Variants in ANXA3 observed in about 807,000 individuals in gnomAD.
ANXA3 encodes the protein 35-alpha calcimedin.
ANXA3 carries 46 observed loss-of-function variants against 48.8 expected under a neutral mutation model. The ratio of observed to expected loss-of-function variants is 0.94; its 90% CI spans 0.74 to 1.21. ANXA3 has a LOEUF of 1.21. ANXA3 is among the 50% of genes most tolerant of loss of function. The pLI, the probability that ANXA3 is intolerant of heterozygous loss-of-function variation, is 0.00. For missense variants in ANXA3, 383 were observed against 378.6 expected (o/e 1.01, Z -0.10); for synonymous variants, 128 against 134.7 (o/e 0.95, Z 0.35).
At chr4:78,570,962 G>T (rs1033120504) in intron 2 of ANXA3, 1 of 152,118 alleles carries the variant, frequency 6.6e-6, no homozygotes, top group Admixed American at 6.6e-5. Context: ...TGGAGAAAGA[G>T]AATTCATCAA....
intron 2 of ANXA3, among the ~76,000 whole-genome samples, chr4:78,559,646 G>A (rs1264498417): frequency 6.6e-6 from 1 of 152,208 alleles, no homozygotes; most frequent in Non-Finnish European, 1.5e-5. Context: ...TAGTGCGACA[G>A]GCTCTGCTGG....
chr4:78,562,393 C>T (rs192758027), intron 2 of ANXA3, among the ~76,000 whole-genome samples: 184 of 152,264 alleles, frequency 1.2e-3, no homozygotes, highest in African/African-American at 4.0e-3. Context: ...CAGTACCTCA[C>T]GTAGGTTCTG....
chr4:78,554,425 T>C lies in ANXA3; in HGVS notation c.-38-11T>C, dbSNP rs1722467304. 1 of 1,564,426 alleles carries C rather than the reference T, an allele frequency of 6.4e-7. No homozygotes were observed. Among genetic ancestry groups the C allele is most frequent in the African/African-American group, 1.4e-5 (1 of 74,026 alleles). On this transcript the variant is annotated splice_polypyrimidine_tract_variant and intron_variant, in intron 1 of 12. Coordinates refer to ENST00000264908, the MANE Select transcript of ANXA3 (RefSeq NM_005139.3). Reference sequence around the variant, plus strand: ...TATTGATACCATTTACTAATTGTTTTCTTTTAATAGATTAGTGTGATCTCA... The same window carrying C: ...TATTGATACCATTTACTAATTGTTTCCTTTTAATAGATTAGTGTGATCTCA...
intron 1 of ANXA3, chr4:78,552,175 C>G (rs914976269): frequency 2.0e-5 from 3 of 152,336 alleles, no homozygotes; most frequent in Non-Finnish European, 4.4e-5. Context: ...GAAAGCTTCG[C>G]TTATTACAGC....
chr4:78,601,775 T>C (rs566989086), intron 11 of ANXA3: 1 of 430,062 alleles, frequency 2.3e-6, no homozygotes, highest in South Asian at 6.5e-5. Context: ...CAGACCTGGG[T>C]TTATGAAATA....
At position 78,574,507 on chromosome 4, in the gene ANXA3, ACAC is replaced by A. The variant is rs1355545764; in HGVS notation, c.103+1243_103+1245del. ...CTCTTGCCCCTTTCCCTAGAGATAA[ACAC>A]CATCCCAAATTAGAGTTCATTCCCA... On this transcript the variant is annotated intron_variant, in intron 3 of 12. Coordinates refer to ENST00000264908, the MANE Select transcript of ANXA3 (RefSeq NM_005139.3). Among the ~76,000 whole-genome samples the A allele has an allele frequency of 2.6e-5, 4 of 152,208 alleles. No individual in the cohort carries two copies. In the South Asian group the frequency reaches 6.2e-4, roughly 24 times the overall value.
At position 78,579,043 on chromosome 4, in the gene ANXA3, GC is replaced by G. The variant is rs1723020724; in HGVS notation, c.121del (p.Leu41SerfsTer5). The part of the protein sequence containing the change: ...IRGIGTDEKM[L>X]ISILTERSNA... ...TTCATTTAGGAACTGATGAGAAAATGCTCATCAGCATTCTGACTGAGAGGTC... is the reference window on the plus strand; with the variant it reads ...TTCATTTAGGAACTGATGAGAAAATGTCATCAGCATTCTGACTGAGAGGTC... On this transcript the variant is annotated frameshift_variant, in exon 4 of 13. Coordinates refer to ENST00000264908, the MANE Select transcript of ANXA3 (RefSeq NM_005139.3). LOFTEE classifies it high-confidence loss of function. 1 of 1,608,400 alleles carries G rather than the reference GC, an allele frequency of 6.2e-7. No individual in the cohort carries two copies. Among genetic ancestry groups the G allele is most frequent in the African/African-American group, 1.3e-5 (1 of 74,840 alleles).
intron 2 of ANXA3, among the ~76,000 whole-genome samples, chr4:78,561,524 A>G (rs952519461): frequency 3.3e-5 from 5 of 152,114 alleles, no homozygotes; most frequent in African/African-American, 1.2e-4. Context: ...TTGCTTTGAC[A>G]CAGACATCCC....
In ANXA3 at chr4:78,552,744, A is replaced by C. The variant is rs1722425855; in HGVS notation, c.-39+885A>C. The stretch of plus-strand genomic sequence containing the variant: ...AAAGATACATTTACTATGTTCACCA[A>C]CATCATTTTTTAAAATGTAACTAAT... On this transcript the variant is annotated intron_variant, in intron 1 of 12. Transcript: ENST00000264908. Among the ~76,000 whole-genome samples, 4 of 152,236 alleles carry C rather than the reference A, an allele frequency of 2.6e-5. No homozygotes were observed. The South Asian group carries it at 8.3e-4, about 32-fold the overall frequency.
rs1560450359 is a variant in ANXA3, at chr4:78,597,316, T to C, written c.635-3T>C. The C allele has an allele frequency of 3.1e-6, 5 of 1,589,800 alleles. No homozygotes were observed. The highest frequency in any genetic ancestry group is 3.4e-6 in the Non-Finnish European group (4 of 1,161,494). On this transcript the variant is annotated splice_region_variant and splice_polypyrimidine_tract_variant and intron_variant, in intron 9 of 12. Transcript: ENST00000264908. ...TAAATAATTTTGTGGTGCTTCTTTT[T>C]AGCATTTGATGAATACAGAAATATC...
At chr4:78,606,358 G>A (rs913760347) in intron 12 of ANXA3, among the ~76,000 whole-genome samples, 2 of 152,170 alleles carry the variant, frequency 1.3e-5, no homozygotes, top group Non-Finnish European at 2.9e-5. Flanking sequence ...TGGGAATGGA[G>A]TCCATGCTGA....
At chr4:78,609,756 GT>G (rs1336668036) in intron 12 of ANXA3, among the ~76,000 whole-genome samples, 1 of 152,098 alleles carries the variant, frequency 6.6e-6, no homozygotes, top group South Asian at 2.1e-4. Flanking sequence ...AAAATTTGAA[GT>G]TTTTATAGAA....
intron 6 of ANXA3, among the ~76,000 whole-genome samples, chr4:78,589,037 T>C (rs1310640033): frequency 6.6e-6 from 1 of 152,178 alleles, no homozygotes; most frequent in Non-Finnish European, 1.5e-5. Flanking sequence ...CTGTGACAGA[T>C]CCCTGGAGCC....
At chr4:78,588,321 A>C (rs1180443142) in intron 6 of ANXA3, among the ~76,000 whole-genome samples, 2 of 152,062 alleles carry the variant, frequency 1.3e-5, no homozygotes, top group East Asian at 3.9e-4. Flanking sequence ...TGAGTCTAAG[A>C]GATTGAGGCC....
At chr4:78,566,740 CT>C (rs1210330428) in intron 2 of ANXA3, among the ~76,000 whole-genome samples, 11 of 152,046 alleles carry the variant, frequency 7.2e-5, no homozygotes, top group Non-Finnish European at 1.2e-4. Flanking sequence ...GACGGGTACA[CT>C]AATAAAAGCC....
rs1237919979 is a variant in ANXA3, at chr4:78,594,134, TGG to T, written c.484-1246_484-1245del. Among the ~76,000 whole-genome samples the T allele has an allele frequency of 2.0e-5, 3 of 151,800 alleles. No homozygotes were observed. The East Asian group carries it at 5.8e-4, about 29-fold the overall frequency. ...TGCCATCTCTAGAATGTCCTATAGT[TGG>T]AATCATACAGTACGTAGCCATTTCA... is the stretch of plus-strand genomic sequence containing the variant. On this transcript the variant is annotated intron_variant, in intron 7 of 12. Coordinates refer to ENST00000264908, the MANE Select transcript of ANXA3 (RefSeq NM_005139.3).
At chr4:78,578,024 A>C (rs896737622) in intron 3 of ANXA3, among the ~76,000 whole-genome samples, 11 of 151,774 alleles carry the variant, frequency 7.2e-5, no homozygotes, top group African/African-American at 2.7e-4. Flanking sequence ...TACCCCTGAA[A>C]TCCCGGCACT....
intron 5 of ANXA3, 172 bp downstream of exon 5, chr4:78,582,462 A>G: frequency 2.0e-6 from 1 of 502,556 alleles, no homozygotes; most frequent in Non-Finnish European, 3.6e-6. Flanking sequence ...CCTTAAGCCC[A>G]AATGTTCCTG....
At chr4:78,574,804 A>G (rs1722914124) in intron 3 of ANXA3, among the ~76,000 whole-genome samples, 1 of 152,220 alleles carries the variant, frequency 6.6e-6, no homozygotes, top group African/African-American at 2.4e-5. Context: ...TGCAATATAA[A>G]AATGCTGCAA....
Sources: allele counts gnomAD v4.1 joint callset (sites outside exome capture counted in the v4.1 genomes callset), GRCh38; gene constraint gnomAD v4.1.1; transcripts MANE v1.5; gene names NCBI Gene and HGNC (gene_info 2026-07-23, HGNC 2026-07-21).